ABCC1: variants seen among roughly 807,000 people sequenced by gnomAD.
ABCC1 encodes the protein ATP binding cassette subfamily C member 1 (ABCC1 blood group), also known as multidrug resistance-associated protein 1.
A neutral mutation model predicts 172.9 loss-of-function variants in ABCC1; 83 were observed. The ratio of observed to expected loss-of-function variants is 0.48; its 90% CI spans 0.40 to 0.58. ABCC1 has a LOEUF of 0.58. Ranked by LOEUF, ABCC1 falls within the 20% of genes least tolerant of loss-of-function variation. The pLI, the probability that ABCC1 is intolerant of heterozygous loss-of-function variation, is 0.00. For missense variants in ABCC1, 1,817 were observed against 2,002.7 expected, an observed-to-expected ratio of 0.91 and a Z score of 1.77; for synonymous variants, 937 against 825.2, an observed-to-expected ratio of 1.14 and a Z score of -2.32.
intron 1 of ABCC1, among the ~76,000 whole-genome samples, chr16:15,984,625 T>C (rs2046703166): frequency 6.6e-6 from 1 of 152,004 alleles, no homozygotes; most frequent in African/African-American, 2.4e-5. Flanking sequence ...TTGGTATCTT[T>C]AGTAGAGATT....
chr16:16,009,998 C>A, intron 3 of ABCC1, 97 bp downstream of exon 3: 4 of 800,060 alleles, frequency 5.0e-6, no homozygotes, highest in Non-Finnish European at 6.7e-6. Flanking sequence ...TTTTTTAAGG[C>A]AATGATCAGC....
intron 19 of ABCC1, among the ~76,000 whole-genome samples, chr16:16,099,810 A>C (rs1375575425): frequency 6.6e-6 from 1 of 152,174 alleles, no homozygotes; most frequent in Non-Finnish European, 1.5e-5. Context: ...GGGGCCAGGC[A>C]CAGTGGCTCA....
At chr16:16,036,690 G>T (rs1398978923) in intron 7 of ABCC1, 87 bp downstream of exon 7, 3 of 1,403,906 alleles carry the variant, frequency 2.1e-6, no homozygotes, top group African/African-American at 2.9e-5. Flanking sequence ...GGCCCTGGCA[G>T]TGCTGCCTGT....
At chr16:15,966,303 T>C (rs1335605128) in intron 1 of ABCC1, among the ~76,000 whole-genome samples, 6 of 151,572 alleles carry the variant, frequency 4.0e-5, no homozygotes, top group Admixed American at 3.3e-4. Context: ...TCTCAGTTAC[T>C]CGGGAGGCTG....
intron 20 of ABCC1, among the ~76,000 whole-genome samples, chr16:16,105,706 T>C (rs1300385708): frequency 7.2e-6 from 1 of 139,738 alleles, no homozygotes; most frequent in Non-Finnish European, 1.5e-5. Context: ...TTTCTTTTCT[T>C]TTCTTTTCTT....
intron 25 of ABCC1, 143 bp from the exon 26 acceptor site, chr16:16,125,667 A>AG (rs2045399330): frequency 3.3e-6 from 2 of 600,112 alleles, no homozygotes; most frequent in East Asian, 5.6e-5. Flanking sequence ...CCCTGACCTC[A>AG]GGTGATCTGA....
At chr16:16,137,862 TTTTTA>T (rs2045975408) in intron 29 of ABCC1, among the ~76,000 whole-genome samples, 1 of 148,768 alleles carries the variant, frequency 6.7e-6, no homozygotes, top group Non-Finnish European at 1.5e-5. Context: ...TCTTATTTTT[TTTTTA>T]TTTTATTTTT....
At chr16:16,043,580 G>A (rs996067509) in intron 7 of ABCC1, among the ~76,000 whole-genome samples, 4 of 151,662 alleles carry the variant, frequency 2.6e-5, no homozygotes, top group Non-Finnish European at 5.9e-5. Context: ...GATTACAGGC[G>A]TGAGCCACTG....
At chr16:16,026,632 A>G (rs995789831) in intron 5 of ABCC1, among the ~76,000 whole-genome samples, 2 of 150,952 alleles carry the variant, frequency 1.3e-5, no homozygotes, top group Non-Finnish European at 3.0e-5. Context: ...AGAAATGGCA[A>G]TTGCTGGGCG....
Position 16,090,421 on chromosome 16 carries a change from C to T in ABCC1, c.2477C>T (p.Thr826Met), listed in dbSNP as rs771563065. Reference protein sequence around the residue: ...MLKNKTRILVTHSMSYLPQVD... With the variant: ...MLKNKTRILVMHSMSYLPQVD... Reference sequence around the variant, plus strand: ...TGCCCACAGACGCGGATCTTGGTCACGCACAGCATGAGCTACTTGCCGCAG... The same window carrying T: ...TGCCCACAGACGCGGATCTTGGTCATGCACAGCATGAGCTACTTGCCGCAG... Residue 826 changes from threonine (T) to methionine (M), a missense_variant, in exon 19 of 31, where the codon ACG becomes ATG. Thr to Met is a moderately conservative substitution (Grantham distance 81, BLOSUM62 -1). This residue lies in a region of ABCC1 where 1,412 missense variants were observed against 1,600.3 expected (regional missense o/e 0.88). Coordinates refer to ENST00000399410, the MANE Select transcript of ABCC1 (RefSeq NM_004996.4). The T allele has an allele frequency of 6.2e-6, 10 of 1,605,846 alleles. No individual in the cohort carries two copies. Among genetic ancestry groups the T allele is most frequent in the East Asian group, 4.5e-5 (2 of 44,730 alleles).
rs527319116 is a variant in ABCC1, at chr16:16,106,708, G to A, written c.2736-30G>A. 4.4e-5 allele frequency: 71 copies of A among 1,613,538 alleles called. 2 individuals are homozygous for A. In the South Asian group the frequency reaches 6.3e-4, roughly 14 times the overall value. ...CCGACCCTGCCCAAGGCATCTGTAC[G>A]GTTGACACCCTTGTGCTTTGCTTCT... On this transcript the variant is annotated intron_variant, in intron 20 of 30. Coordinates refer to ENST00000399410, the MANE Select transcript of ABCC1 (RefSeq NM_004996.4).
intron 17 of ABCC1, 74 bp downstream of exon 17, chr16:16,083,616 T>C: frequency 6.4e-7 from 1 of 1,550,946 alleles, no homozygotes; most frequent in East Asian, 2.3e-5. Context: ...ACAATCTCAG[T>C]GGGCTGTGAG....
intron 9 of ABCC1, 100 bp downstream of exon 9, chr16:16,046,113 T>G: frequency 7.4e-7 from 1 of 1,350,208 alleles, no homozygotes; most frequent in Non-Finnish European, 1.0e-6. Flanking sequence ...CAGCCCAGCT[T>G]CTGGAGCAGT....
Position 16,013,416 on chromosome 16 carries a change from G to A in ABCC1, c.352-1075G>A, listed in dbSNP as rs1020909519. Among the ~76,000 whole-genome samples, 27 of 151,818 alleles carry A rather than the reference G, an allele frequency of 1.8e-4. No individual in the cohort carries two copies. The South Asian group carries it at 5.2e-3, about 29-fold the overall frequency. On this transcript the variant is annotated intron_variant, in intron 3 of 30. Coordinates refer to ENST00000399410, the MANE Select transcript of ABCC1 (RefSeq NM_004996.4). ...TTCCCAGCTAGCTGTGACTAAAGGC[G>A]TATGCCACCACGCCTGGCTAATTTT...
intron 1 of ABCC1, among the ~76,000 whole-genome samples, chr16:15,996,305 G>A (rs770452323): frequency 6.6e-6 from 1 of 152,030 alleles, no homozygotes; most frequent in African/African-American, 2.4e-5. Context: ...AAATTTTTTT[G>A]TAGAGATACA....
At chr16:16,007,214 TTGTGTG>T (rs71388788) in intron 1 of ABCC1, among the ~76,000 whole-genome samples, 26 of 145,864 alleles carry the variant, frequency 1.8e-4, no homozygotes, top group South Asian at 1.5e-3. Flanking sequence ...GTATGCACTG[TTGTGTG>T]TGTGTGTGTG....
intron 30 of ABCC1, among the ~76,000 whole-genome samples, chr16:16,140,187 G>T (rs985711691): frequency 6.6e-6 from 1 of 152,170 alleles, no homozygotes; most frequent in Non-Finnish European, 1.5e-5. Context: ...TGTACCTAGA[G>T]GTTGGAATTG....
At position 16,141,271 on chromosome 16, in the gene ABCC1, G is replaced by C; in HGVS notation, c.4586G>C (p.Gly1529Ala). Residue 1529 changes from glycine to alanine, a missense_variant, in exon 31 of 31, where the codon GGC (glycine) becomes GCC (alanine). Physicochemically the swap from Gly to Ala is moderately conservative, Grantham distance 60 (BLOSUM62 0). Transcript: ENST00000399410. ...TTCTACAGCATGGCCAAAGACGCCG[G>C]CTTGGTGTGAGCCCCAGAGCTGGCA... ...GLFYSMAKDA[G>A]LV is the part of the protein sequence containing the mutation. 1 of 1,613,964 alleles carries C rather than the reference G, an allele frequency of 6.2e-7. No homozygotes were observed. Among genetic ancestry groups the C allele is most frequent in the East Asian group, 2.2e-5 (1 of 44,874 alleles).
At position 16,106,976 on chromosome 16, in the gene ABCC1, C is replaced by G. The variant is rs945400855; in HGVS notation, c.2871+103C>G. ...GCCTTGTCTATGTTAACTCACCTGT[C>G]CATCACAACACACCTGTGAAGATAC... On this transcript the variant is annotated intron_variant, in intron 21 of 30. Transcript: ENST00000399410. 5 of 1,456,858 alleles carry G rather than the reference C, an allele frequency of 3.4e-6. No individual in the cohort carries two copies. The Admixed American group carries it at 5.9e-5, about 17-fold the overall frequency. 90.2% of individuals were successfully genotyped at this position (1,456,858 alleles called of 1,614,324 possible). A position where few individuals can be genotyped will look rare whatever the true frequency, so the allele number is the denominator to read the frequency against.
Sources: allele counts gnomAD v4.1 joint callset (sites outside exome capture counted in the v4.1 genomes callset), GRCh38; gene constraint gnomAD v4.1.1; regional missense constraint gnomAD v4.1.1; transcripts MANE v1.5; gene names NCBI Gene and HGNC (gene_info 2026-07-23, HGNC 2026-07-21).